GRM8: variants seen among roughly 807,000 people sequenced by gnomAD.
GRM8 encodes glutamate metabotropic receptor 8, also known as metabotropic glutamate receptor 8.
Under a neutral mutation model 87.2 loss-of-function variants are expected in GRM8, and 47 were observed. The observed-to-expected ratio is 0.54, with a 90% CI of 0.43 to 0.69. The LOEUF is 0.69. Among genes scored for constraint, GRM8 ranks in the 30% least tolerant of loss-of-function variants. GRM8 has a pLI of 0.00. For synonymous variants in GRM8, 396 were observed against 404.5 expected (o/e 0.98, Z 0.25); for missense variants, 1,019 against 1,139.2 (o/e 0.89, Z 1.52).
intron 2 of GRM8, among the ~76,000 whole-genome samples, chr7:127,112,815 T>A (rs1015106362): frequency 6.6e-6 from 1 of 152,224 alleles, no homozygotes; most frequent in African/African-American, 2.4e-5. Flanking sequence ...AAAATGGCCA[T>A]GAAAACTTCA....
chr7:126,942,010 A>G (rs1292612897), intron 3 of GRM8, among the ~76,000 whole-genome samples: 1 of 152,248 alleles, frequency 6.6e-6, no homozygotes, highest in Non-Finnish European at 1.5e-5. Context: ...GAGTTGGAGT[A>G]AAAACTTGAG....
At chr7:126,788,492 A>C (rs146913157) in intron 6 of GRM8, among the ~76,000 whole-genome samples, 1 of 151,024 alleles carries the variant, frequency 6.6e-6, no homozygotes, top group African/African-American at 2.4e-5. Context: ...AACACCTCCC[A>C]TCCTACTTAT....
At chr7:127,083,310 C>T (rs369756271) in intron 3 of GRM8, among the ~76,000 whole-genome samples, 4 of 152,222 alleles carry the variant, frequency 2.6e-5, no homozygotes, top group South Asian at 4.1e-4. Context: ...CTCTGTATAC[C>T]CCATTGCTTG....
At chr7:127,108,472 C>A (rs769616152) in intron 2 of GRM8, among the ~76,000 whole-genome samples, 5 of 152,046 alleles carry the variant, frequency 3.3e-5, no homozygotes, top group Non-Finnish European at 5.9e-5. Context: ...AATAGGGGAG[C>A]ATTCTATAGC....
chr7:127,012,332 GC>G (rs1429465003), intron 3 of GRM8, among the ~76,000 whole-genome samples: 1 of 152,010 alleles, frequency 6.6e-6, no homozygotes, highest in Non-Finnish European at 1.5e-5. Context: ...TACCCGGTGT[GC>G]CCAATACTGT....
At chr7:126,937,543 T>G (rs116077023) in intron 3 of GRM8, among the ~76,000 whole-genome samples, 2,432 of 152,280 alleles carry the variant, frequency 0.016, 61 homozygotes, top group African/African-American at 0.055. Flanking sequence ...CCACCACAGA[T>G]GTGGCCACAA....
At chr7:127,059,760 G>A (rs915325570) in intron 3 of GRM8, among the ~76,000 whole-genome samples, 2 of 152,136 alleles carry the variant, frequency 1.3e-5, no homozygotes, top group Admixed American at 6.5e-5. Flanking sequence ...TTTTCTTGTA[G>A]GAGCATTTTC....
At chr7:126,723,936 A>G (rs1322390041) in intron 7 of GRM8, among the ~76,000 whole-genome samples, 2 of 152,196 alleles carry the variant, frequency 1.3e-5, no homozygotes, top group East Asian at 1.9e-4. Flanking sequence ...GGCAGCACCT[A>G]TGCATATGAT....
chr7:126,660,668 T>C (rs1235815813), intron 7 of GRM8, among the ~76,000 whole-genome samples: 1 of 152,206 alleles, frequency 6.6e-6, no homozygotes, highest in Non-Finnish European at 1.5e-5. Context: ...AATAATATTT[T>C]AATTACTTTT....
intron 2 of GRM8, among the ~76,000 whole-genome samples, chr7:127,139,223 C>T (rs577175616): frequency 6.6e-6 from 1 of 152,128 alleles, no homozygotes; most frequent in Admixed American, 6.5e-5. Flanking sequence ...CTCCCATGAA[C>T]CAAGACACTG....
At chr7:126,468,013 AC>A (rs1326764973) in intron 9 of GRM8, among the ~76,000 whole-genome samples, 5 of 152,008 alleles carry the variant, frequency 3.3e-5, no homozygotes, top group Non-Finnish European at 5.9e-5. Flanking sequence ...TCATCTATAA[AC>A]CTTTTATAAC....
At chr7:126,492,748 A>G (rs1442928991) in intron 9 of GRM8, among the ~76,000 whole-genome samples, 1 of 152,084 alleles carries the variant, frequency 6.6e-6, no homozygotes, top group Non-Finnish European at 1.5e-5. Context: ...AAATAGCTTT[A>G]TAGATAGGTA....
At chr7:127,154,318 C>A (rs1318826604) in intron 2 of GRM8, among the ~76,000 whole-genome samples, 2 of 152,118 alleles carry the variant, frequency 1.3e-5, no homozygotes, top group African/African-American at 2.4e-5. Context: ...TCCATTCCTG[C>A]ACCTTATGCT....
rs1193690396 is a variant in GRM8 at position 126,607,046 on chromosome 7, T to C, written c.1494+2316A>G. On this transcript the variant is annotated intron_variant, in intron 8 of 10. Transcript: ENST00000339582. ...CAGTCCGACATTAATAAAAGTCAGA[T>C]AAAAAGCTTTCCTATCTTAGACCTT... 3.9e-5 allele frequency among the ~76,000 whole-genome samples: 6 copies of C among 152,332 alleles called. No homozygotes were observed. The South Asian group carries it at 8.3e-4, about 21-fold the overall frequency.
At chr7:126,567,119 T>C (rs1794284804) in intron 8 of GRM8, among the ~76,000 whole-genome samples, 2 of 152,134 alleles carry the variant, frequency 1.3e-5, no homozygotes, top group Admixed American at 6.6e-5. Flanking sequence ...CTCATCAACA[T>C]TTTAAAGTTT....
intron 6 of GRM8, among the ~76,000 whole-genome samples, chr7:126,865,456 T>A (rs1196430839): frequency 1.3e-5 from 2 of 152,218 alleles, no homozygotes; most frequent in African/African-American, 2.4e-5. Flanking sequence ...GCATTTAAAA[T>A]GAACAATTCA....
At chr7:127,094,816 C>T (rs1824482071) in intron 3 of GRM8, among the ~76,000 whole-genome samples, 1 of 152,190 alleles carries the variant, frequency 6.6e-6, no homozygotes, top group Non-Finnish European at 1.5e-5. Flanking sequence ...ATGTGAAGCT[C>T]CTGGCCCTTT....
chr7:126,501,647 G>C lies in GRM8; in HGVS notation c.2430+31305C>G, dbSNP rs551519398. 2.0e-5 allele frequency among the ~76,000 whole-genome samples: 3 copies of C among 152,120 alleles called. No homozygotes were observed. The South Asian group carries it at 6.2e-4, about 32-fold the overall frequency. ...AGCAAATACTTGTCATTGGGGATTT[G>C]GGAAAACTTTGAATCAGGCCGGACA... is the stretch of plus-strand genomic sequence containing the variant. On this transcript the variant is annotated intron_variant, in intron 9 of 10. Transcript: ENST00000339582.
intron 3 of GRM8, among the ~76,000 whole-genome samples, chr7:127,005,926 C>T (rs529434614): frequency 6.6e-6 from 1 of 151,916 alleles, no homozygotes; most frequent in African/African-American, 2.4e-5. Context: ...AAGACCTCCC[C>T]ACCACCCAGC....
Sources: gnomAD v4.1 joint callset for allele counts (sites outside exome capture counted in the v4.1 genomes callset) on GRCh38, gnomAD v4.1.1 for gene constraint, MANE v1.5 for transcripts, NCBI Gene and HGNC (gene_info 2026-07-23, HGNC 2026-07-21) for gene names.